The following FMN1 variants were observed in gnomAD, a reference collection of about 807,000 sequenced individuals.
The protein encoded by FMN1 is formin-1.
In FMN1, 110 loss-of-function variants were observed where a neutral mutation model predicts 132.4. That is an observed-to-expected ratio of 0.83 (90% CI 0.71 to 0.97). The LOEUF (loss-of-function observed/expected upper bound fraction) is 0.97. Among genes scored for constraint, FMN1 ranks in the 50% least tolerant of loss-of-function variants. The pLI, the probability that FMN1 is intolerant of heterozygous loss-of-function variation, is 0.00. For missense variants in FMN1, 1,792 were observed against 1,705.3 expected, an observed-to-expected ratio of 1.05 and a Z score of -0.90; for synonymous variants, 722 against 651.7, an observed-to-expected ratio of 1.11 and a Z score of -1.64.
intron 7 of FMN1, among the ~76,000 whole-genome samples, chr15:32,998,040 A>AT (rs1162621641): frequency 6.6e-6 from 1 of 152,232 alleles, no homozygotes; most frequent in Non-Finnish European, 1.5e-5. Context: ...GGCAATCAAC[A>AT]TAAGTAGAGG....
chr15:33,139,635 A>G (rs1963925322), intron 4 of FMN1, among the ~76,000 whole-genome samples: 1 of 152,222 alleles, frequency 6.6e-6, no homozygotes, highest in African/African-American at 2.4e-5. Context: ...GTTGTTATTG[A>G]AACTCAATGT....
At chr15:32,958,942 T>C (rs993507217) in intron 9 of FMN1, among the ~76,000 whole-genome samples, 1 of 149,500 alleles carries the variant, frequency 6.7e-6, no homozygotes, top group Admixed American at 6.8e-5. Flanking sequence ...CTTGGGAGGC[T>C]GAGGCAGGAC....
In FMN1 at chr15:32,792,133, G is replaced by A. The variant is rs201207946; in HGVS notation, c.4130+6671C>T. ...CAGAGAGACCCAATATATTATCAGA[G>A]CAACGAGGCATTTCGAGATGGAGGA... is the stretch of plus-strand genomic sequence containing the variant. On this transcript the variant is annotated intron_variant, in intron 19 of 20. Coordinates refer to ENST00000616417, the MANE Select transcript of FMN1 (RefSeq NM_001277313.2). Among the ~76,000 whole-genome samples the A allele has an allele frequency of 4.0e-4, 61 of 152,108 alleles. No individual in the cohort carries two copies. The Middle Eastern group carries it at 0.034, about 85-fold the overall frequency.
chr15:33,166,533 GA>G (rs1232734256), intron 3 of FMN1, among the ~76,000 whole-genome samples: 1 of 152,106 alleles, frequency 6.6e-6, no homozygotes, highest in East Asian at 1.9e-4. Context: ...ATTAAATCTT[GA>G]AGTAGATACC....
chr15:33,026,096 TACACACACACACACACAC>T (rs58334971), intron 6 of FMN1, among the ~76,000 whole-genome samples: 1,656 of 144,806 alleles, frequency 0.011, 11 homozygotes, highest in Middle Eastern at 0.021. Context: ...TGCTTAGGCA[TACACACACACACACACAC>T]ACACACACAC....
At chr15:32,903,785 C>A (rs16960807) in intron 12 of FMN1, among the ~76,000 whole-genome samples, 1 of 152,252 alleles carries the variant, frequency 6.6e-6, no homozygotes, top group African/African-American at 2.4e-5. Flanking sequence ...ATGTATGTTA[C>A]GCAAGAAAGG....
intron 9 of FMN1, among the ~76,000 whole-genome samples, chr15:32,950,760 A>T (rs1035949635): frequency 3.3e-5 from 5 of 152,188 alleles, no homozygotes; most frequent in African/African-American, 9.7e-5. Context: ...TACCTGGGTG[A>T]CGAAATAATC....
At position 32,964,038 on chromosome 15, in the gene FMN1, C is replaced by CACACACACAT. The variant is rs1295394751; in HGVS notation, c.3138+68_3138+69insATGTGTGTGT. The CACACACACAT allele has an allele frequency of 2.6e-4, 298 of 1,125,810 alleles. 1 individual carries two copies. Among genetic ancestry groups the CACACACACAT allele is most frequent in the East Asian group, 5.0e-4 (21 of 42,300 alleles). The allele number at this position is 1,125,810 out of a possible 1,614,324, so 69.7% of individuals were successfully genotyped here. A position where few individuals can be genotyped will look rare whatever the true frequency, so the allele number is the denominator to read the frequency against. On this transcript the variant is annotated intron_variant, in intron 9 of 20. Transcript: ENST00000616417. ...CGATACACACACACACACACACACA[C>CACACACACAT]ACACACACACATATATACCATTTCC...
At chr15:32,983,707 G>A (rs984220044) in intron 7 of FMN1, among the ~76,000 whole-genome samples, 1 of 152,114 alleles carries the variant, frequency 6.6e-6, no homozygotes, top group Non-Finnish European at 1.5e-5. Context: ...AGAGTAAAAT[G>A]AGTCCGAAAA....
At chr15:33,122,156 G>T (rs533256612) in intron 4 of FMN1, among the ~76,000 whole-genome samples, 1 of 152,184 alleles carries the variant, frequency 6.6e-6, no homozygotes, top group Non-Finnish European at 1.5e-5. Context: ...CTTGTCCACG[G>T]AATTAAGTGC....
chr15:33,045,441 T>C (rs1212336773), intron 6 of FMN1, among the ~76,000 whole-genome samples: 1 of 152,144 alleles, frequency 6.6e-6, no homozygotes, highest in Non-Finnish European at 1.5e-5. Context: ...TTAAGAAATA[T>C]CCCAAAAATC....
chr15:32,895,635 T>A lies in FMN1; in HGVS notation c.3714+3199A>T, dbSNP rs180863322. 1.1e-4 allele frequency among the ~76,000 whole-genome samples: 16 copies of A among 152,272 alleles called. No homozygotes were observed. In the East Asian group the frequency reaches 3.1e-3, roughly 29 times the overall value. On this transcript the variant is annotated intron_variant, in intron 15 of 20. Coordinates refer to ENST00000616417, the MANE Select transcript of FMN1 (RefSeq NM_001277313.2). ...ACAGTCCTGAGAAAGGTTTGATCAA[T>A]TTACAGTGCTAATTCTATATATCTA...
At chr15:33,187,872 T>G (rs1965940777) in intron 2 of FMN1, among the ~76,000 whole-genome samples, 1 of 152,190 alleles carries the variant, frequency 6.6e-6, no homozygotes, top group African/African-American at 2.4e-5. Flanking sequence ...CATATACCTG[T>G]CTTTGTAGAT....
At chr15:33,108,671 T>G (rs1000209819) in intron 4 of FMN1, among the ~76,000 whole-genome samples, 1 of 152,120 alleles carries the variant, frequency 6.6e-6, no homozygotes, top group African/African-American at 2.4e-5. Flanking sequence ...CTGATAGCCC[T>G]TGGCTCCTGA....
chr15:33,037,060 A>T (rs1249114059), intron 6 of FMN1, among the ~76,000 whole-genome samples: 1 of 152,194 alleles, frequency 6.6e-6, no homozygotes, highest in African/African-American at 2.4e-5. Context: ...TTCACATCTG[A>T]TTTCAAAATT....
intron 4 of FMN1, among the ~76,000 whole-genome samples, chr15:33,128,682 G>C (rs1963367255): frequency 6.6e-6 from 1 of 152,290 alleles, no homozygotes; most frequent in African/African-American, 2.4e-5. Flanking sequence ...TAGTCTCACT[G>C]ACTTCACGAA....
intron 5 of FMN1, among the ~76,000 whole-genome samples, 177 bp downstream of exon 5, chr15:33,088,622 G>A (rs890499584): frequency 1.3e-5 from 2 of 152,136 alleles, no homozygotes; most frequent in Non-Finnish European, 2.9e-5. Flanking sequence ...ACTTTCTAGT[G>A]TACAAATTTC....
At chr15:33,012,292 G>A in intron 6 of FMN1, 3 of 751,492 alleles carry the variant, frequency 4.0e-6, no homozygotes, top group Non-Finnish European at 7.3e-6. Context: ...GAGGCTTTGG[G>A]TTTGTCTCAT....
intron 7 of FMN1, among the ~76,000 whole-genome samples, chr15:32,988,795 T>C (rs892655743): frequency 6.6e-6 from 1 of 150,874 alleles, no homozygotes; most frequent in African/African-American, 2.4e-5. Context: ...TTGAGAACCA[T>C]TAAGCTAGAT....
Sources: allele counts gnomAD v4.1 joint callset (sites outside exome capture counted in the v4.1 genomes callset), GRCh38; gene constraint gnomAD v4.1.1; transcripts MANE v1.5; gene names NCBI Gene and HGNC (gene_info 2026-07-23, HGNC 2026-07-21).